The following BRIP1 variants were observed in gnomAD, a reference collection of about 807,000 sequenced individuals.
The protein encoded by BRIP1 is Fanconi anemia group J protein.
A neutral mutation model predicts 119.7 loss-of-function variants in BRIP1; 88 were observed. The ratio of observed to expected loss-of-function variants is 0.74; its 90% CI spans 0.62 to 0.88. The LOEUF (loss-of-function observed/expected upper bound fraction) is 0.88. Ranked by LOEUF, BRIP1 falls within the 40% of genes least tolerant of loss-of-function variation. The pLI is 0.00. For synonymous variants in BRIP1, 443 were observed against 496.5 expected, an observed-to-expected ratio of 0.89 and a Z score of 1.43; for missense variants, 1,259 against 1,455.4, an observed-to-expected ratio of 0.87 and a Z score of 2.20.
chr17:61,786,216 CAGAG>C (rs889541121), intron 10 of BRIP1, among the ~76,000 whole-genome samples: 9 of 151,446 alleles, frequency 5.9e-5, no homozygotes, highest in Admixed American at 4.0e-4. Flanking sequence ...GTGTGTGTGA[CAGAG>C]AGAGAAGAGT....
rs529710126 is a variant in BRIP1, at chr17:61,791,488, CA to C, written c.1473+2108del. On this transcript the variant is annotated intron_variant, in intron 10 of 19. Coordinates refer to ENST00000259008, the MANE Select transcript of BRIP1 (RefSeq NM_032043.3). ...TGGGCAACAGAGTGAGACTTCATCT[CA>C]AAAAAAAAAAAAAAAAAAAAAGAAT... Among the ~76,000 whole-genome samples, 107 of 52,918 alleles carry C rather than the reference CA, an allele frequency of 2.0e-3. 1 individual carries two copies. Among genetic ancestry groups the C allele is most frequent in the African/African-American group, 8.3e-3 (101 of 12,126 alleles). The allele number at this position is 52,918 out of a possible 152,430, so 34.7% of individuals were successfully genotyped here.
rs2078822634 is a variant in BRIP1, at chr17:61,851,561, T to G, written c.380-2305A>C. On this transcript the variant is annotated intron_variant, in intron 4 of 19. Transcript: ENST00000259008. The surrounding 1 kb of genome is among the most constrained non-coding windows in gnomAD (Gnocchi z 4.6). ...CTGTAGGGGCACTTCTATAAAAATATCAAGTTTCTGGATACATGTGGGACC... is the reference window on the plus strand; with the variant it reads ...CTGTAGGGGCACTTCTATAAAAATAGCAAGTTTCTGGATACATGTGGGACC... Among the ~76,000 whole-genome samples the G allele has an allele frequency of 6.6e-6, 1 of 152,120 alleles. No homozygotes were observed. The highest frequency in any genetic ancestry group is 1.5e-5 in the Non-Finnish European group (1 of 68,020).
Position 61,857,082 on chromosome 17 carries a change from T to G in BRIP1, c.355A>C (p.Asn119His). The G allele has an allele frequency of 6.2e-7, 1 of 1,614,128 alleles. No homozygotes were observed. The highest frequency in any genetic ancestry group is 8.5e-7 in the Non-Finnish European group (1 of 1,179,994). The change falls in exon 4 of 20, where the codon AAT (asparagine) becomes CAT (histidine). Residue 119 changes from asparagine (N) to histidine (H), a missense_variant. By Grantham distance (68) the Asn-to-His change is moderately conservative (BLOSUM62 1). Transcript: ENST00000259008. This position sits in a 1 kb window ranked among gnomAD's most constrained non-coding sequence, Gnocchi z 5.1. ...NYPSTPPSERNGTSSTCQDSP... is the reference protein window; with the variant it reads ...NYPSTPPSERHGTSSTCQDSP... ...CCTTGACAAGTTGATGAAGTGCCAT[T>G]TCTTTCAGAAGGTGGTGTGCTTGGA... is the stretch of plus-strand genomic sequence containing the variant.
At position 61,713,017 on chromosome 17, in the gene BRIP1, TTCAG is replaced by T. The variant is rs2061803552; in HGVS notation, c.2492+2930_2492+2933del. On this transcript the variant is annotated intron_variant, in intron 17 of 19. Transcript: ENST00000259008. This position sits in a 1 kb window ranked among gnomAD's most constrained non-coding sequence, Gnocchi z 4.9. Reference sequence around the variant, plus strand: ...ATAGTAATGCACCACATAATGATGTTTCAGTCAGTGTGAAGTGCATATATGATAG... The same window carrying T: ...ATAGTAATGCACCACATAATGATGTTTCAGTGTGAAGTGCATATATGATAG... 6.6e-6 allele frequency among the ~76,000 whole-genome samples: 1 copy of T among 152,206 alleles called. No individual in the cohort carries two copies. The highest frequency in any genetic ancestry group is 1.5e-5 in the Non-Finnish European group (1 of 68,032).
rs1238776675 is a variant in BRIP1, at chr17:61,786,616, T to C, written c.1474-2192A>G. Among the ~76,000 whole-genome samples the C allele has an allele frequency of 3.4e-5, 5 of 146,462 alleles. 1 individual carries two copies. The East Asian group carries it at 7.8e-4, about 23-fold the overall frequency. On this transcript the variant is annotated intron_variant, in intron 10 of 19. Coordinates refer to ENST00000259008, the MANE Select transcript of BRIP1 (RefSeq NM_032043.3). ...ATATAATAAAAATATAATATATATA[T>C]TATTTAACAGCTCTAATTAATTTTT...
At chr17:61,800,480 T>C (rs1237488050) in intron 8 of BRIP1, among the ~76,000 whole-genome samples, 1 of 152,146 alleles carries the variant, frequency 6.6e-6, no homozygotes, top group Non-Finnish European at 1.5e-5. Context: ...TTTTGAAGGA[T>C]TCAAATTGGG....
rs1162458111 is a variant in BRIP1, at chr17:61,834,160, T to C, written c.627+12941A>G. On this transcript the variant is annotated intron_variant, in intron 6 of 19. Coordinates refer to ENST00000259008, the MANE Select transcript of BRIP1 (RefSeq NM_032043.3). This position sits in a 1 kb window ranked among gnomAD's most constrained non-coding sequence, Gnocchi z 4.4. ...AAAAAAGTATCCATCAAAATAGACCTGCTAAATTTTACTATGACCGTGATA... is the reference window on the plus strand; with the variant it reads ...AAAAAAGTATCCATCAAAATAGACCCGCTAAATTTTACTATGACCGTGATA... 6.6e-6 allele frequency among the ~76,000 whole-genome samples: 1 copy of C among 152,148 alleles called. No individual in the cohort carries two copies. The highest frequency in any genetic ancestry group is 1.5e-5 in the Non-Finnish European group (1 of 68,028).
At position 61,825,290 on chromosome 17, in the gene BRIP1, G is replaced by A. The variant is rs1279977130; in HGVS notation, c.628-16533C>T. Among the ~76,000 whole-genome samples, 45 of 134,060 alleles carry A rather than the reference G, an allele frequency of 3.4e-4. No homozygotes were observed. In the Middle Eastern group the frequency reaches 0.012, roughly 37 times the overall value. The allele number at this position is 134,060 out of a possible 152,430, so 87.9% of individuals were successfully genotyped here. On this transcript the variant is annotated intron_variant, in intron 6 of 19. Coordinates refer to ENST00000259008, the MANE Select transcript of BRIP1 (RefSeq NM_032043.3). The surrounding 1 kb of genome is among the most constrained non-coding windows in gnomAD (Gnocchi z 4.1). ...ACAGAGCAAGACTCTGTCTCAAAAC[G>A]AAAAAAAAAAGAAAAGAAAAGAAAA...
At chr17:61,777,894 T>TG (rs1458724330) in intron 13 of BRIP1, among the ~76,000 whole-genome samples, 1 of 151,856 alleles carries the variant, frequency 6.6e-6, no homozygotes, top group East Asian at 1.9e-4. Flanking sequence ...GGTTGAGGAA[T>TG]GGGGGTGAAA....
intron 9 of BRIP1, among the ~76,000 whole-genome samples, chr17:61,797,956 C>T (rs2077926954): frequency 1.3e-5 from 2 of 152,002 alleles, no homozygotes; most frequent in African/African-American, 4.8e-5. Flanking sequence ...ATTAGCCCCC[C>T]TGTCATCCAC....
chr17:61,776,479 T>C lies in BRIP1; in HGVS notation c.2019A>G (p.Gln673=), dbSNP rs1008150951. ...TFQNTETFEF[Q]DEVGALLLSV... ...ATAACAAAAGTGCTCCCACTTCATCTTGGAACTCAAATGTTTCAGTATTCT... is the reference window on the plus strand; with the variant it reads ...ATAACAAAAGTGCTCCCACTTCATCCTGGAACTCAAATGTTTCAGTATTCT... Residue 673 remains glutamine, a synonymous_variant, in exon 14 of 20, where the codon CAA becomes CAG. Coordinates refer to ENST00000259008, the MANE Select transcript of BRIP1 (RefSeq NM_032043.3). The surrounding 1 kb of genome is among the most constrained non-coding windows in gnomAD (Gnocchi z 5.0). 2.5e-6 allele frequency: 4 copies of C among 1,614,174 alleles called. No individual in the cohort carries two copies. Among genetic ancestry groups the C allele is most frequent in the Non-Finnish European group, 1.7e-6 (2 of 1,180,030 alleles).
In BRIP1 at chr17:61,776,460, A is replaced by G. The variant is rs786203872; in HGVS notation, c.2038T>C (p.Leu680=). The G allele has an allele frequency of 1.9e-6, 3 of 1,614,062 alleles. No homozygotes were observed. The highest frequency in any genetic ancestry group is 2.7e-5 in the African/African-American group (2 of 74,940). The stretch of plus-strand genomic sequence containing the variant: ...CTCACAGTCTGGCACACAGATAACA[A>G]AAGTGCTCCCACTTCATCTTGGAAC... ...FEFQDEVGAL[L]LSVCQTVSQG... Residue 680 remains leucine (L), a synonymous_variant, in exon 14 of 20, where the codon TTG becomes CTG. Transcript: ENST00000259008. This position sits in a 1 kb window ranked among gnomAD's most constrained non-coding sequence, Gnocchi z 5.0.
At chr17:61,788,107 G>C (rs1338677389) in intron 10 of BRIP1, among the ~76,000 whole-genome samples, 1 of 151,790 alleles carries the variant, frequency 6.6e-6, no homozygotes. Context: ...ATAATCTGTG[G>C]GCAAACCTGT....
At chr17:61,685,129 G>A (rs777855749) in intron 19 of BRIP1, 4 of 152,144 alleles carry the variant, frequency 2.6e-5, no homozygotes, top group Non-Finnish European at 2.9e-5. Flanking sequence ...TATCTGTTGC[G>A]ACTACTCAAT....
In BRIP1 at chr17:61,808,744, C is replaced by G. The variant is rs779409059; in HGVS notation, c.641G>C (p.Cys214Ser). 7 of 1,613,014 alleles carry G rather than the reference C, an allele frequency of 4.3e-6. No homozygotes were observed. Among genetic ancestry groups the G allele is most frequent in the Non-Finnish European group, 5.9e-6 (7 of 1,179,896 alleles). Residue 214 changes from cysteine (C) to serine (S), a missense_variant, in exon 7 of 20, where the codon TGT becomes TCT. By Grantham distance (112) the Cys-to-Ser change is moderately radical. Around this residue, in one of 3 missense-constraint regions of BRIP1, gnomAD observed 501 missense variants for 544.0 expected, o/e 0.92. Transcript: ENST00000259008. The surrounding 1 kb of genome is among the most constrained non-coding windows in gnomAD (Gnocchi z 4.1). ...SFSPQKPPGH[C>S]SRCCCSTKQG... ...TTTAGTAGAACAACAGCACCTAGAA[C>G]AGTGGCCAGGGGGCTGTAAGAAAGG...
Position 61,816,507 on chromosome 17 carries a change from G to A in BRIP1, c.628-7750C>T, listed in dbSNP as rs1174756873. 6.6e-6 allele frequency among the ~76,000 whole-genome samples: 1 copy of A among 152,174 alleles called. No individual in the cohort carries two copies. On this transcript the variant is annotated intron_variant, in intron 6 of 19. Transcript: ENST00000259008. This position sits in a 1 kb window ranked among gnomAD's most constrained non-coding sequence, Gnocchi z 5.0. ...CTTACTGTTTACTTTCTTGCCTAGT[G>A]TAAATGGGAATTCCTTAACACAGTT...
chr17:61,762,567 T>G lies in BRIP1; in HGVS notation c.2097+13834A>C, dbSNP rs1393481577. On this transcript the variant is annotated intron_variant, in intron 14 of 19. Transcript: ENST00000259008. The surrounding 1 kb of genome is among the most constrained non-coding windows in gnomAD (Gnocchi z 4.3). ...CTCAATTTAAAAATGGGCAAGGGAT[T>G]TGAATAGACATTTCTAAAAGAAGAC... Among the ~76,000 whole-genome samples the G allele has an allele frequency of 3.3e-5, 5 of 152,068 alleles. No individual in the cohort carries two copies. The highest frequency in any genetic ancestry group is 7.4e-5 in the Non-Finnish European group (5 of 67,982).
chr17:61,741,211 T>TTGCAGCAATTTA (rs1209735502), intron 16 of BRIP1, among the ~76,000 whole-genome samples: 1 of 152,224 alleles, frequency 6.6e-6, no homozygotes, highest in Non-Finnish European at 1.5e-5. Context: ...CCTCATGAGA[T>TTGCAGCAATTTA]TGCAGCAATT....
At chr17:61,692,214 C>T (rs2061457921) in intron 18 of BRIP1, among the ~76,000 whole-genome samples, 1 of 152,178 alleles carries the variant, frequency 6.6e-6, no homozygotes, top group Admixed American at 6.5e-5. Flanking sequence ...AAATAAATCT[C>T]TTATCTTTAT....
Sources: gnomAD v4.1 joint callset for allele counts (sites outside exome capture counted in the v4.1 genomes callset) on GRCh38, gnomAD v4.1.1 for gene constraint, gnomAD v4.1.1 regional missense constraint, Gnocchi (gnomAD v3.1) non-coding constraint, MANE v1.5 for transcripts, NCBI Gene and HGNC (gene_info 2026-07-23, HGNC 2026-07-21) for gene names.